The following HSPA14 variants were observed in gnomAD, a reference collection of about 807,000 sequenced individuals.
The protein encoded by HSPA14 is heat shock protein family A (Hsp70) member 14.
Under a neutral mutation model 65.5 loss-of-function variants are expected in HSPA14, and 37 were observed. The observed-to-expected ratio is 0.56, with a 90% CI of 0.43 to 0.74. The LOEUF (loss-of-function observed/expected upper bound fraction) is 0.74. Among genes scored for constraint, HSPA14 ranks in the 30% least tolerant of loss-of-function variants. HSPA14 has a pLI of 0.00. For missense variants in HSPA14, 564 were observed against 607.6 expected, an observed-to-expected ratio of 0.93 and a Z score of 0.75; for synonymous variants, 203 against 214.2, an observed-to-expected ratio of 0.95 and a Z score of 0.46.
At chr10:14,853,710 A>G (rs1246605089) in intron 8 of HSPA14, among the ~76,000 whole-genome samples, 2 of 152,054 alleles carry the variant, frequency 1.3e-5, no homozygotes, top group Admixed American at 6.6e-5. Context: ...TTGTTTCACT[A>G]ATTTATTTTA....
intron 3 of HSPA14, chr10:14,843,877 T>G (rs1394304116): frequency 5.9e-6 from 9 of 1,536,298 alleles, no homozygotes; most frequent in Admixed American, 2.0e-5. Context: ...GAGGTTGATT[T>G]CGAATACCAA....
intron 3 of HSPA14, chr10:14,845,980 C>T (rs11593057): frequency 0.14 from 124,682 of 922,844 alleles, 9,028 homozygotes; most frequent in Non-Finnish European, 0.15. Flanking sequence ...AAAATGAAAA[C>T]GAAATTTTAA....
intron 12 of HSPA14, among the ~76,000 whole-genome samples, chr10:14,869,237 G>A (rs905610403): frequency 1.9e-5 from 2 of 106,672 alleles, no homozygotes; most frequent in African/African-American, 3.6e-5. Context: ...GTGTACGTGT[G>A]TGTGTGTGTG....
At chr10:14,847,551 G>A (rs940645329) in intron 3 of HSPA14, among the ~76,000 whole-genome samples, 3 of 152,110 alleles carry the variant, frequency 2.0e-5, no homozygotes, top group African/African-American at 7.2e-5. Flanking sequence ...TTGTCCTATT[G>A]ATATTTTAGG....
Position 14,838,311 on chromosome 10 carries a change from G to A in HSPA14, c.-92G>A. The A allele has an allele frequency of 2.3e-6, 3 of 1,315,446 alleles. No homozygotes were observed. Among genetic ancestry groups the A allele is most frequent in the Non-Finnish European group, 3.2e-6 (3 of 943,490 alleles). The allele number at this position is 1,315,446 out of a possible 1,614,324, so 81.5% of individuals were successfully genotyped here. ...CGCAGGGGGCTGGCGGGAACGTGAA[G>A]CTCCGCGGTGCCTGATGGGGCCGTT... On this transcript the variant is annotated 5_prime_UTR_variant, in exon 1 of 14. Transcript: ENST00000378372.
intron 10 of HSPA14, among the ~76,000 whole-genome samples, chr10:14,865,710 T>C (rs1352799208): frequency 1.3e-5 from 2 of 152,208 alleles, no homozygotes; most frequent in African/African-American, 4.8e-5. Flanking sequence ...AGTACCATGC[T>C]GTTTTGGTTA....
chr10:14,857,245 T>C (rs1378051761), intron 10 of HSPA14, among the ~76,000 whole-genome samples: 1 of 152,234 alleles, frequency 6.6e-6, no homozygotes, highest in Admixed American at 6.5e-5. Context: ...CCTGTCTTTA[T>C]ACAGAGACGT....
rs1266301407 is a variant in HSPA14, at chr10:14,844,606, G to A, written c.222-4003G>A. The A allele has an allele frequency of 1.2e-5, 12 of 985,260 alleles. No individual in the cohort carries two copies. The Middle Eastern group carries it at 1.5e-3, about 127-fold the overall frequency. The allele number at this position is 985,260 out of a possible 1,614,324, so 61.0% of individuals were successfully genotyped here. A position where few individuals can be genotyped will look rare whatever the true frequency, so the allele number is the denominator to read the frequency against. On this transcript the variant is annotated intron_variant, in intron 3 of 13. Transcript: ENST00000378372. ...CCGTCTTTCTCTCCTTCATTTTACT[G>A]GTTCTTAGTCTCCTATCAATATAAG...
intron 10 of HSPA14, among the ~76,000 whole-genome samples, chr10:14,857,263 A>G (rs1832711101): frequency 6.6e-6 from 1 of 152,206 alleles, no homozygotes; most frequent in Non-Finnish European, 1.5e-5. Flanking sequence ...CGTTTATCAT[A>G]TTTAGGATTA....
chr10:14,849,044 G>A, intron 5 of HSPA14, 149 bp downstream of exon 5: 1 of 538,086 alleles, frequency 1.9e-6, no homozygotes, highest in Non-Finnish European at 3.4e-6. Flanking sequence ...CCTGGTTGGG[G>A]CACTAACTGG....
At chr10:14,848,532 TAC>T in intron 3 of HSPA14, 75 bp from the exon 4 acceptor site, 2 of 1,022,756 alleles carry the variant, frequency 2.0e-6, no homozygotes, top group South Asian at 2.9e-5. Flanking sequence ...TATTGTGAAA[TAC>T]AGTCTTCTCT....
Position 14,867,150 on chromosome 10 carries a change from C to A in HSPA14, c.1061C>A (p.Ala354Asp), listed in dbSNP as rs1472138976. The stretch of plus-strand genomic sequence containing the variant: ...CAACTGATTAAAGATCTTTTCCCAG[C>A]TGTTGAGCTTCTCAATTCTATCCCT... ...LQQLIKDLFP[A>D]VELLNSIPPD... is the part of the protein sequence containing the mutation. The change falls in exon 11 of 14, where the codon GCT (alanine) becomes GAT (aspartate). Residue 354 changes from alanine to aspartate, a missense_variant. Ala to Asp is a moderately radical substitution (Grantham distance 126). Transcript: ENST00000378372. 1.9e-6 allele frequency: 3 copies of A among 1,613,782 alleles called. No individual in the cohort carries two copies. Among genetic ancestry groups the A allele is most frequent in the Non-Finnish European group, 1.7e-6 (2 of 1,179,786 alleles).
At chr10:14,839,134 C>T (rs1833935373) in intron 1 of HSPA14, among the ~76,000 whole-genome samples, 1 of 152,208 alleles carries the variant, frequency 6.6e-6, no homozygotes, top group South Asian at 2.1e-4. Context: ...AAGTGAGAGC[C>T]TGACAGGACT....
chr10:14,842,342 CTT>C lies in HSPA14; in HGVS notation c.221+2186_221+2187del. 6.5e-7 allele frequency: 1 copy of C among 1,536,154 alleles called. No homozygotes were observed. Among genetic ancestry groups the C allele is most frequent in the South Asian group, 1.2e-5 (1 of 84,060 alleles). On this transcript the variant is annotated intron_variant, in intron 3 of 13. Coordinates refer to ENST00000378372, the MANE Select transcript of HSPA14 (RefSeq NM_016299.4). This position sits in a 1 kb window ranked among gnomAD's most constrained non-coding sequence, Gnocchi z 5.2. ...GTGGTCCAGACAGGAGACACGAACT[CTT>C]CTCTCCATACTAGGCGAGGCAGAGT...
chr10:14,841,016 G>A (rs1331582005), intron 3 of HSPA14: 1 of 152,148 alleles, frequency 6.6e-6, no homozygotes, highest in Non-Finnish European at 1.5e-5. Context: ...ACTTTGTTTA[G>A]TGAGAATTTA....
At chr10:14,850,975 C>T (rs1236038028) in intron 6 of HSPA14, 7 of 338,610 alleles carry the variant, frequency 2.1e-5, no homozygotes, top group South Asian at 5.0e-5. Context: ...TTATTCAGTA[C>T]GTGTGCTTTT....
rs2131649765 is a variant in HSPA14, at chr10:14,867,165, A to G, written c.1076A>G (p.Asn359Ser). 6.2e-7 allele frequency: 1 copy of G among 1,613,734 alleles called. No homozygotes were observed. The highest frequency in any genetic ancestry group is 1.1e-5 in the South Asian group (1 of 91,072). ...KDLFPAVELL[N>S]SIPPDEVIPI... ...CTTTTCCCAGCTGTTGAGCTTCTCA[A>G]TTCTATCCCTCCTGATGAAGTGATC... is the stretch of plus-strand genomic sequence containing the variant. Residue 359 changes from asparagine (N) to serine (S), a missense_variant, in exon 11 of 14, where the codon AAT (asparagine) becomes AGT (serine). By Grantham distance (46) the Asn-to-Ser change is conservative. Transcript: ENST00000378372.
At chr10:14,844,181 C>G (rs1834013401) in intron 3 of HSPA14, 1 of 1,219,696 alleles carries the variant, frequency 8.2e-7, no homozygotes, top group Non-Finnish European at 1.0e-6. Flanking sequence ...TTACCTCCCT[C>G]CAGTGGTTTC....
rs1383136483 is a variant in HSPA14 at position 14,842,968 on chromosome 10, C to G, written c.221+2811C>G. 1 of 788,398 alleles carries G rather than the reference C, an allele frequency of 1.3e-6. No individual in the cohort carries two copies. The highest frequency in any genetic ancestry group is 2.7e-5 in the East Asian group (1 of 37,314). The allele number at this position is 788,398 out of a possible 1,614,324, so 48.8% of individuals were successfully genotyped here. On this transcript the variant is annotated intron_variant, in intron 3 of 13. Coordinates refer to ENST00000378372, the MANE Select transcript of HSPA14 (RefSeq NM_016299.4). The surrounding 1 kb of genome is among the most constrained non-coding windows in gnomAD (Gnocchi z 5.2). Reference sequence around the variant, plus strand: ...CCTGTTTCTGCCTCATTCTGCCCCACGCACCTTTTCAAAAACCTAATAGTA... The same window carrying G: ...CCTGTTTCTGCCTCATTCTGCCCCAGGCACCTTTTCAAAAACCTAATAGTA...
Sources: gnomAD v4.1 joint callset for allele counts (sites outside exome capture counted in the v4.1 genomes callset) on GRCh38, gnomAD v4.1.1 for gene constraint, Gnocchi (gnomAD v3.1) non-coding constraint, MANE v1.5 for transcripts, NCBI Gene and HGNC (gene_info 2026-07-23, HGNC 2026-07-21) for gene names.